INSL6: variants seen among roughly 807,000 people sequenced by gnomAD.
The protein encoded by INSL6 is insulin-like peptide INSL6.
A neutral mutation model predicts 9.4 loss-of-function variants in INSL6; 16 were observed. The observed-to-expected ratio is 1.70, with a 90% CI of 1.15 to 2.59. INSL6 has a LOEUF of 2.59. Among genes scored for constraint, INSL6 ranks in the 30% most tolerant of loss-of-function variants. The pLI, the probability that INSL6 is intolerant of heterozygous loss-of-function variation, is 0.00. For synonymous variants in INSL6, 154 were observed against 96.9 expected (o/e 1.59, Z -3.46); for missense variants, 391 against 257.3 (o/e 1.52, Z -3.56).
intron 2 of INSL6, among the ~76,000 whole-genome samples, chr9:5,140,901 CCT>C (rs1452721417): frequency 6.6e-6 from 1 of 151,980 alleles, no homozygotes; most frequent in African/African-American, 2.4e-5. Flanking sequence ...GTGTTGTTCC[CCT>C]CTTTGTGTCC....
chr9:5,121,096 G>A (rs1823585009), downstream of INSL6, among the ~76,000 whole-genome samples: 1 of 152,186 alleles, frequency 6.6e-6, no homozygotes, highest in Non-Finnish European at 1.5e-5. Context: ...CTTCAATTTA[G>A]AAGAGGCAGA....
chr9:5,002,491 T>A, the INSL6 span, among the ~76,000 whole-genome samples: 1 of 152,050 alleles, frequency 6.6e-6, no homozygotes, highest in Non-Finnish European at 1.5e-5. Context: ...TGGCCAAGAA[T>A]ATAATTCATA....
At chr9:5,012,495 T>G in the INSL6 span, among the ~76,000 whole-genome samples, 1 of 152,214 alleles carries the variant, frequency 6.6e-6, no homozygotes, top group Non-Finnish European at 1.5e-5. Flanking sequence ...TATCATTTCC[T>G]TGGTGTTTGG....
Position 5,136,807 on chromosome 9 carries a change from A to G in INSL6, c.377-3215T>C, listed in dbSNP as rs147797931. Among the ~76,000 whole-genome samples, 1,342 of 152,336 alleles carry G rather than the reference A, an allele frequency of 8.8e-3. 17 individuals carry two copies. The highest frequency in any genetic ancestry group is 0.029 in the African/African-American group (1,218 of 41,576). Reference sequence around the variant, plus strand: ...AAGAGAAAGAAATAAAGGGTATTCAATTAGGAAAAGAGGAAGTCAAATTGT... The same window carrying G: ...AAGAGAAAGAAATAAAGGGTATTCAGTTAGGAAAAGAGGAAGTCAAATTGT... On this transcript the variant is annotated intron_variant, in intron 2 of 3. Transcript: ENST00000649639.
the INSL6 span, among the ~76,000 whole-genome samples, chr9:5,042,134 T>C: frequency 2.2e-5 from 3 of 135,166 alleles, no homozygotes; most frequent in Non-Finnish European, 5.1e-5. Context: ...CTTTTTTTTT[T>C]TTTTTTTTTT....
At chr9:5,000,454 G>A in the INSL6 span, among the ~76,000 whole-genome samples, 1 of 152,102 alleles carries the variant, frequency 6.6e-6, no homozygotes, top group Non-Finnish European at 1.5e-5. Context: ...TAGTTTAAAG[G>A]AATGATTCAA....
chr9:5,003,441 C>T, the INSL6 span, among the ~76,000 whole-genome samples: 1,248 of 151,950 alleles, frequency 8.2e-3, 14 homozygotes, highest in African/African-American at 0.029. Flanking sequence ...CAGATATTTC[C>T]ATAGATGTAT....
At chr9:5,148,240 T>C (rs1187943979) in intron 2 of INSL6, among the ~76,000 whole-genome samples, 1 of 152,148 alleles carries the variant, frequency 6.6e-6, no homozygotes, top group Non-Finnish European at 1.5e-5. Flanking sequence ...GGACTAAGGG[T>C]CAGTACAGGG....
At chr9:5,169,075 C>T (rs1051016035) in intron 1 of INSL6, among the ~76,000 whole-genome samples, 6 of 152,120 alleles carry the variant, frequency 3.9e-5, no homozygotes, top group Middle Eastern at 3.4e-3. Context: ...TAGAGGCATG[C>T]GCCACCATGC....
At chr9:5,118,130 C>T in the INSL6 span, among the ~76,000 whole-genome samples, 28 of 152,308 alleles carry the variant, frequency 1.8e-4, no homozygotes, top group Non-Finnish European at 2.9e-4. Context: ...CACTGCACTC[C>T]AGCCTGGGCG....
At chr9:5,080,180 G>A in the INSL6 span, 4 of 1,339,012 alleles carry the variant, frequency 3.0e-6, no homozygotes, top group African/African-American at 5.9e-5. Flanking sequence ...ATAAAAGATT[G>A]GTTTACTTGT....
chr9:5,099,515 C>A, the INSL6 span: 1 of 152,098 alleles, frequency 6.6e-6, no homozygotes, highest in Admixed American at 6.6e-5. Flanking sequence ...TATCCCTACA[C>A]CAAAAATAAT....
At chr9:5,156,820 T>G (rs1412223438) in intron 2 of INSL6, among the ~76,000 whole-genome samples, 1 of 152,098 alleles carries the variant, frequency 6.6e-6, no homozygotes, top group Non-Finnish European at 1.5e-5. Context: ...AATAAGTGAA[T>G]TTACAATGTT....
chr9:5,040,996 A>C, the INSL6 span: 1 of 639,000 alleles, frequency 1.6e-6, no homozygotes, highest in Non-Finnish European at 2.9e-6. Context: ...GGAGCTGATC[A>C]AGTTCCGGAC....
chr9:5,148,441 T>C (rs1045732241), intron 2 of INSL6, among the ~76,000 whole-genome samples: 1 of 152,186 alleles, frequency 6.6e-6, no homozygotes, highest in Non-Finnish European at 1.5e-5. Flanking sequence ...GGTCGGCTCA[T>C]GGACTTTGGG....
chr9:5,136,626 T>C (rs932848090), intron 2 of INSL6, among the ~76,000 whole-genome samples: 2 of 152,120 alleles, frequency 1.3e-5, no homozygotes, highest in African/African-American at 4.8e-5. Context: ...TATCTCAAAA[T>C]CATAAGAGCT....
chr9:5,092,320 C>G, the INSL6 span, among the ~76,000 whole-genome samples: 1 of 152,058 alleles, frequency 6.6e-6, no homozygotes, highest in African/African-American at 2.4e-5. Flanking sequence ...AAATATCATT[C>G]TAGAAATATT....
At chr9:5,024,788 AG>A in the INSL6 span, among the ~76,000 whole-genome samples, 1 of 152,146 alleles carries the variant, frequency 6.6e-6, no homozygotes, top group Non-Finnish European at 1.5e-5. Flanking sequence ...AGTGGAACAT[AG>A]GTGTGCTCTT....
chr9:5,111,325 C>T, the INSL6 span: 2 of 442,908 alleles, frequency 4.5e-6, no homozygotes, highest in African/African-American at 2.0e-5. Context: ...GGACCCCTGT[C>T]CCCCTCAGGC....
Sources: allele counts gnomAD v4.1 joint callset (sites outside exome capture counted in the v4.1 genomes callset), GRCh38; gene constraint gnomAD v4.1.1; transcripts MANE v1.5; gene names NCBI Gene and HGNC (gene_info 2026-07-23, HGNC 2026-07-21).